ADAMTS6: variants seen among roughly 807,000 people sequenced by gnomAD.
ADAMTS6 encodes A disintegrin and metalloproteinase with thrombospondin motifs 6.
A neutral mutation model predicts 144.3 loss-of-function variants in ADAMTS6; 23 were observed. The ratio of observed to expected loss-of-function variants is 0.16; its 90% CI spans 0.11 to 0.23. ADAMTS6 has a LOEUF of 0.23. Among genes scored for constraint, ADAMTS6 ranks in the 10% least tolerant of loss-of-function variants. The pLI is 1.00. For missense variants in ADAMTS6, 999 were observed against 1,379.6 expected (o/e 0.72, Z 4.37); for synonymous variants, 444 against 457.5 (o/e 0.97, Z 0.38).
chr5:65,171,013 AT>A (rs562321236), intron 23 of ADAMTS6, among the ~76,000 whole-genome samples: 13,712 of 143,980 alleles, frequency 0.095, 712 homozygotes, highest in Non-Finnish European at 0.12. Flanking sequence ...CACAATATTA[AT>A]TTTTTTTTTT....
intron 7 of ADAMTS6, among the ~76,000 whole-genome samples, chr5:65,421,109 G>A (rs116480677): frequency 0.014 from 2,180 of 152,240 alleles, 51 homozygotes; most frequent in African/African-American, 0.05. Flanking sequence ...TAGTCACCAC[G>A]TTGACTGTTA....
intron 7 of ADAMTS6, among the ~76,000 whole-genome samples, chr5:65,425,153 T>C (rs1266201760): frequency 6.6e-6 from 1 of 152,128 alleles, no homozygotes; most frequent in Admixed American, 6.5e-5. Flanking sequence ...CACGGCACCA[T>C]GTCCAGCTAA....
At chr5:65,212,423 CTTTTTT>C (rs397881866) in intron 20 of ADAMTS6, among the ~76,000 whole-genome samples, 69 of 107,842 alleles carry the variant, frequency 6.4e-4, no homozygotes, top group East Asian at 2.4e-3. Flanking sequence ...TTTTCTCTCT[CTTTTTT>C]TTTTTTTTTT....
intron 9 of ADAMTS6, among the ~76,000 whole-genome samples, chr5:65,323,165 T>C (rs972793105): frequency 2.6e-5 from 4 of 152,048 alleles, no homozygotes; most frequent in Non-Finnish European, 5.9e-5. Flanking sequence ...GTGCACAACA[T>C]GCAGGTTTGT....
intron 10 of ADAMTS6, among the ~76,000 whole-genome samples, chr5:65,292,000 A>G (rs1003675416): frequency 6.6e-6 from 1 of 152,166 alleles, no homozygotes; most frequent in African/African-American, 2.4e-5. Flanking sequence ...CCAACGACCA[A>G]AGTTTTCCTC....
intron 24 of ADAMTS6, among the ~76,000 whole-genome samples, chr5:65,169,408 A>G: frequency 7.0e-6 from 1 of 142,784 alleles, no homozygotes; most frequent in Non-Finnish European, 1.5e-5. Context: ...GAGGATGTGG[A>G]GAAATAGGAA....
chr5:65,186,561 T>A (rs965427229), intron 22 of ADAMTS6, among the ~76,000 whole-genome samples: 5 of 152,176 alleles, frequency 3.3e-5, no homozygotes, highest in African/African-American at 9.7e-5. Flanking sequence ...ATTTATGGAT[T>A]TCTATAAGGG....
intron 23 of ADAMTS6, among the ~76,000 whole-genome samples, chr5:65,171,259 T>C (rs1373864695): frequency 6.6e-6 from 1 of 152,146 alleles, no homozygotes; most frequent in African/African-American, 2.4e-5. Context: ...TCTGCCCGCC[T>C]CAGCCTCCCA....
chr5:65,319,159 A>G (rs1489105215), intron 9 of ADAMTS6, among the ~76,000 whole-genome samples: 2 of 152,198 alleles, frequency 1.3e-5, no homozygotes, highest in Non-Finnish European at 2.9e-5. Flanking sequence ...ATCACACACG[A>G]AAAATTTTTA....
chr5:65,291,079 A>G (rs1254445024), intron 11 of ADAMTS6, among the ~76,000 whole-genome samples: 1 of 152,222 alleles, frequency 6.6e-6, no homozygotes, highest in Non-Finnish European at 1.5e-5. Flanking sequence ...TAAAGAAAAA[A>G]TATATTAAGA....
At chr5:65,378,910 T>G (rs1751794844) in intron 7 of ADAMTS6, among the ~76,000 whole-genome samples, 1 of 152,090 alleles carries the variant, frequency 6.6e-6, no homozygotes, top group Non-Finnish European at 1.5e-5. Context: ...CATACACTGA[T>G]TAACAATAAA....
At chr5:65,377,932 T>C (rs184504694) in intron 7 of ADAMTS6, among the ~76,000 whole-genome samples, 363 of 152,300 alleles carry the variant, frequency 2.4e-3, no homozygotes, top group Non-Finnish European at 4.4e-3. Context: ...CTGGCAATCA[T>C]TGGTATTCCT....
chr5:65,398,453 G>A (rs1446893790), intron 7 of ADAMTS6, among the ~76,000 whole-genome samples: 4 of 152,152 alleles, frequency 2.6e-5, no homozygotes, highest in East Asian at 1.9e-4. Context: ...GGCCGGGTGC[G>A]GTGGCTCACG....
At chr5:65,315,755 T>C (rs1351741169) in intron 9 of ADAMTS6, among the ~76,000 whole-genome samples, 5 of 149,716 alleles carry the variant, frequency 3.3e-5, no homozygotes, top group African/African-American at 1.0e-4. Context: ...TGGATAAGAA[T>C]GACATTACAT....
chr5:65,265,379 C>T (rs1761532283), intron 12 of ADAMTS6, among the ~76,000 whole-genome samples: 1 of 152,004 alleles, frequency 6.6e-6, no homozygotes, highest in Non-Finnish European at 1.5e-5. Context: ...GCTAGTTGGT[C>T]TTGAAGAACA....
At chr5:65,217,027 T>A (rs1304735774) in intron 18 of ADAMTS6, among the ~76,000 whole-genome samples, 1 of 152,168 alleles carries the variant, frequency 6.6e-6, no homozygotes, top group Non-Finnish European at 1.5e-5. Flanking sequence ...CTCCAGCTCT[T>A]GTCCTTCATA....
At chr5:65,415,354 T>C (rs1011591021) in intron 7 of ADAMTS6, 3 of 154,776 alleles carry the variant, frequency 1.9e-5, no homozygotes, top group African/African-American at 7.2e-5. Flanking sequence ...AAATACCAAA[T>C]GGCGGATGAT....
intron 3 of ADAMTS6, among the ~76,000 whole-genome samples, chr5:65,464,141 A>G (rs964037410): frequency 1.3e-5 from 2 of 152,230 alleles, no homozygotes; most frequent in Non-Finnish European, 2.9e-5. Context: ...ATCTTCTTAC[A>G]TCACAGGTTC....
chr5:65,385,179 G>T (rs1752386149), intron 7 of ADAMTS6, among the ~76,000 whole-genome samples: 1 of 152,134 alleles, frequency 6.6e-6, no homozygotes, highest in African/African-American at 2.4e-5. Context: ...ATAGCACATT[G>T]TATCTTGTTT....
Sources: gnomAD v4.1 joint callset for allele counts (sites outside exome capture counted in the v4.1 genomes callset) on GRCh38, gnomAD v4.1.1 for gene constraint, MANE v1.5 for transcripts, NCBI Gene and HGNC (gene_info 2026-07-23, HGNC 2026-07-21) for gene names.